The following DNAH14 variants were observed in gnomAD, a reference collection of about 807,000 sequenced individuals.
DNAH14 encodes the protein dynein axonemal heavy chain 14.
In DNAH14, 478 loss-of-function variants were observed where a neutral mutation model predicts 520.9. The observed-to-expected ratio is 0.92, with a 90% CI of 0.85 to 0.99. The LOEUF (loss-of-function observed/expected upper bound fraction) is 0.99, where lower values mean the gene tolerates loss of function less well. Ranked by LOEUF, DNAH14 falls within the 50% of genes least tolerant of loss-of-function variation. DNAH14 has a pLI of 0.00. For missense variants in DNAH14, 4,831 were observed against 5,234.5 expected (o/e 0.92, Z 2.38); for synonymous variants, 1,581 against 1,757.2 (o/e 0.90, Z 2.51).
At chr1:225,342,192 C>CA in intron 69 of DNAH14, among the ~76,000 whole-genome samples, 1 of 151,976 alleles carries the variant, frequency 6.6e-6, no homozygotes, top group Middle Eastern at 3.4e-3. Flanking sequence ...TTTAAAAAGG[C>CA]AAAATTTTAC....
chr1:225,078,499 C>G (rs568177204), intron 17 of DNAH14, among the ~76,000 whole-genome samples: 2 of 152,238 alleles, frequency 1.3e-5, no homozygotes, highest in South Asian at 4.1e-4. Flanking sequence ...GGAATACATT[C>G]AAGTGTCTTT....
At chr1:225,182,519 G>A (rs1237556478) in intron 36 of DNAH14, among the ~76,000 whole-genome samples, 1 of 152,180 alleles carries the variant, frequency 6.6e-6, no homozygotes, top group Non-Finnish European at 1.5e-5. Context: ...TAAATAATTA[G>A]TTGAGAGATC....
At position 225,267,317 on chromosome 1, in the gene DNAH14, T is replaced by G. The variant is rs573606577; in HGVS notation, c.7539+548T>G. ...CTTTTTTTTTTTTTTTTTTTTGAGA[T>G]GGAATCTCGCTCTGTCACCAAGCTG... On this transcript the variant is annotated intron_variant, in intron 49 of 85. Transcript: ENST00000682510. Among the ~76,000 whole-genome samples the G allele has an allele frequency of 3.4e-5, 5 of 145,428 alleles. No individual in the cohort carries two copies. In the South Asian group the frequency reaches 8.9e-4, roughly 26 times the overall value.
chr1:225,010,969 A>C (rs2064674284), intron 10 of DNAH14, among the ~76,000 whole-genome samples: 1 of 150,392 alleles, frequency 6.6e-6, no homozygotes, highest in African/African-American at 2.4e-5. Context: ...TATTGTGTCT[A>C]CTAGATTCTT....
Position 225,353,803 on chromosome 1 carries a change from C to T in DNAH14, c.11534C>T (p.Thr3845Ile). 1 of 1,463,772 alleles carries T rather than the reference C, an allele frequency of 6.8e-7. No homozygotes were observed. The highest frequency in any genetic ancestry group is 9.3e-7 in the Non-Finnish European group (1 of 1,077,214). 90.7% of individuals were successfully genotyped at this position (1,463,772 alleles called of 1,614,324 possible). Reference protein sequence around the residue: ...LEENTKPPEETELLNENKETC... With the variant: ...LEENTKPPEEIELLNENKETC... Reference sequence around the variant, plus strand: ...GTTTCTTTCTCTAAATTATATCTAGCTGAACTTTTGAATGAAAATAAAGAA... The same window carrying T: ...GTTTCTTTCTCTAAATTATATCTAGTTGAACTTTTGAATGAAAATAAAGAA... The change falls in exon 73 of 86, where the codon ACT (threonine) becomes ATT (isoleucine). Residue 3845 changes from threonine (T) to isoleucine (I), a missense_variant and splice_region_variant. Transcript: ENST00000682510.
In DNAH14 at chr1:225,051,543, G is replaced by A; in HGVS notation, c.2172G>A (p.Lys724=). ...TAAAGTATTGTACCATGACAGAAAA[G>A]GCCAAAATCATGAGTATGAAAATAT... is the stretch of plus-strand genomic sequence containing the variant. ...KFIKYCTMTE[K]AKIMSMKISS... is the part of the protein sequence containing the mutation. The change falls in exon 17 of 86, where the codon AAG becomes AAA. Residue 724 remains lysine, a synonymous_variant. Coordinates refer to ENST00000682510, the MANE Select transcript of DNAH14 (RefSeq NM_001367479.1). 1 of 1,550,974 alleles carries A rather than the reference G, an allele frequency of 6.4e-7. No individual in the cohort carries two copies. Among genetic ancestry groups the A allele is most frequent in the Non-Finnish European group, 8.7e-7 (1 of 1,146,688 alleles).
chr1:225,085,178 A>G (rs1014368878), intron 20 of DNAH14, among the ~76,000 whole-genome samples: 38 of 152,184 alleles, frequency 2.5e-4, no homozygotes, highest in African/African-American at 7.7e-4. Flanking sequence ...GGATAAAACA[A>G]TAAGTAAAAG....
At chr1:224,972,970 C>T (rs1264195870) in intron 7 of DNAH14, among the ~76,000 whole-genome samples, 2 of 152,156 alleles carry the variant, frequency 1.3e-5, no homozygotes, top group African/African-American at 4.8e-5. Flanking sequence ...TGCAGATACT[C>T]CTTACACTAT....
chr1:225,303,443 G>A lies in DNAH14; in HGVS notation c.8823+96G>A, dbSNP rs534648508. 5.5e-5 allele frequency: 59 copies of A among 1,071,474 alleles called. No homozygotes were observed. In the African/African-American group the frequency reaches 5.8e-4, roughly 10 times the overall value. The allele number at this position is 1,071,474 out of a possible 1,614,324, so 66.4% of individuals were successfully genotyped here. A position where few individuals can be genotyped will look rare whatever the true frequency, so the allele number is the denominator to read the frequency against. On this transcript the variant is annotated intron_variant, in intron 57 of 85. Coordinates refer to ENST00000682510, the MANE Select transcript of DNAH14 (RefSeq NM_001367479.1). ...AACAAACCCTAGATGGACAAAAATA[G>A]GCAGTTCTAAGCTAATTTACAATAA...
intron 43 of DNAH14, among the ~76,000 whole-genome samples, chr1:225,242,537 G>T (rs914525198): frequency 2.6e-5 from 4 of 152,064 alleles, no homozygotes; most frequent in Non-Finnish European, 5.9e-5. Flanking sequence ...CCCACTGGAA[G>T]TTCTTCAGGG....
intron 27 of DNAH14, among the ~76,000 whole-genome samples, chr1:225,133,083 G>A (rs2148968992): frequency 6.6e-6 from 1 of 151,746 alleles, no homozygotes; most frequent in East Asian, 1.9e-4. Flanking sequence ...TTTTTCTCTT[G>A]TAAATGTGTT....
intron 27 of DNAH14, among the ~76,000 whole-genome samples, chr1:225,129,226 A>C (rs1559048025): frequency 6.6e-6 from 1 of 152,172 alleles, no homozygotes; most frequent in Admixed American, 6.5e-5. Flanking sequence ...CAATATCATG[A>C]AAATGGCCAT....
chr1:225,106,421 G>A (rs1014799306), intron 23 of DNAH14, among the ~76,000 whole-genome samples: 1 of 152,052 alleles, frequency 6.6e-6, no homozygotes, highest in Non-Finnish European at 1.5e-5. Context: ...GAAGTTGAAT[G>A]TTGGCCTGCC....
intron 17 of DNAH14, among the ~76,000 whole-genome samples, chr1:225,075,895 GC>G (rs2072208552): frequency 6.6e-6 from 1 of 152,176 alleles, no homozygotes; most frequent in South Asian, 2.1e-4. Flanking sequence ...GTCTGGGAAA[GC>G]CCTTTACTAG....
At chr1:225,178,596 T>C (rs1488427779) in intron 36 of DNAH14, among the ~76,000 whole-genome samples, 1 of 152,176 alleles carries the variant, frequency 6.6e-6, no homozygotes, top group Non-Finnish European at 1.5e-5. Flanking sequence ...CCCATTTATA[T>C]CTAGGGAGTA....
At chr1:225,174,264 AT>A (rs1487979791) in intron 36 of DNAH14, among the ~76,000 whole-genome samples, 1 of 151,638 alleles carries the variant, frequency 6.6e-6, no homozygotes, top group Non-Finnish European at 1.5e-5. Context: ...AGTATAATAA[AT>A]TTTAAAAAAA....
At chr1:225,323,826 GT>G (rs557911930) in intron 62 of DNAH14, among the ~76,000 whole-genome samples, 4 of 148,740 alleles carry the variant, frequency 2.7e-5, no homozygotes, top group Admixed American at 1.3e-4. Flanking sequence ...GTTAATTTTT[GT>G]TTTTTTTTAG....
chr1:225,374,923 T>C (rs2150698080), intron 78 of DNAH14, 38 bp downstream of exon 78: 1 of 1,477,090 alleles, frequency 6.8e-7, no homozygotes, highest in South Asian at 1.3e-5. Flanking sequence ...TTCTCGATAA[T>C]TTTAAAGTAA....
intron 57 of DNAH14, among the ~76,000 whole-genome samples, 172 bp downstream of exon 57, chr1:225,303,519 C>A (rs2094179330): frequency 6.6e-6 from 1 of 152,202 alleles, no homozygotes; most frequent in Non-Finnish European, 1.5e-5. Flanking sequence ...ATCTGTTGTA[C>A]CCCTGAATTC....
Sources: gnomAD v4.1 joint callset for allele counts (sites outside exome capture counted in the v4.1 genomes callset) on GRCh38, gnomAD v4.1.1 for gene constraint, MANE v1.5 for transcripts, NCBI Gene and HGNC (gene_info 2026-07-23, HGNC 2026-07-21) for gene names.